The following STARD9 variants were observed in gnomAD, a reference collection of about 807,000 sequenced individuals.
STARD9 encodes stAR-related lipid transfer protein 9.
A neutral mutation model predicts 399.8 loss-of-function variants in STARD9; 346 were observed. The ratio of observed to expected loss-of-function variants is 0.87; its 90% CI spans 0.79 to 0.95. STARD9 has a LOEUF of 0.95. STARD9 is among the 40% of genes least tolerant of loss of function. The probability of loss-of-function intolerance (pLI) is 0.00; values close to 1 mark genes in which losing one functional copy is unlikely to be tolerated. For missense variants in STARD9, 5,832 were observed against 5,667.5 expected, an observed-to-expected ratio of 1.03 and a Z score of -0.93; for synonymous variants, 2,203 against 2,143.5, an observed-to-expected ratio of 1.03 and a Z score of -0.77.
rs961613444 is a variant in STARD9, at chr15:42,689,811, C to T, written c.8233C>T (p.Pro2745Ser). Residue 2745 changes from proline (P) to serine (S), a missense_variant, in exon 23 of 33, where the codon CCT (proline) becomes TCT (serine). This residue lies in a region of STARD9 where 5,828 missense variants were observed against 5,651.1 expected (regional missense o/e 1.03). Transcript: ENST00000290607. Reference sequence around the variant, plus strand: ...ATCAAAGAAGGTAGTGGCTGCCTTACCTTCTCAGGCCCCTTATGATGATCC... The same window carrying T: ...ATCAAAGAAGGTAGTGGCTGCCTTATCTTCTCAGGCCCCTTATGATGATCC... ...VVSKKVVAALPSQAPYDDPRV... is the reference protein window; with the variant it reads ...VVSKKVVAALSSQAPYDDPRV... 11 of 1,537,132 alleles carry T rather than the reference C, an allele frequency of 7.2e-6. No homozygotes were observed. In the East Asian group the frequency reaches 9.8e-5, roughly 14 times the overall value.
chr15:42,688,321 C>T lies in STARD9; in HGVS notation c.6743C>T (p.Thr2248Ile). Residue 2248 changes from threonine to isoleucine, a missense_variant, in exon 23 of 33, where the codon ACT (threonine) becomes ATT (isoleucine). Physicochemically the swap from Thr to Ile is moderately conservative, Grantham distance 89 (BLOSUM62 -1). Around this residue, in one of 2 missense-constraint regions of STARD9, gnomAD observed 5,828 missense variants for 5,651.1 expected, o/e 1.03. Transcript: ENST00000290607. ...TTAGGAAGTCTTGAGGAATTGGAGA[C>T]TGTGAAAGGTTTTCAGGAAAGCCAA... The part of the protein sequence containing the change: ...WGLGSLEELE[T>I]VKGFQESQVA... The T allele has an allele frequency of 1.3e-6, 2 of 1,537,398 alleles. No homozygotes were observed. Among genetic ancestry groups the T allele is most frequent in the Non-Finnish European group, 1.7e-6 (2 of 1,146,970 alleles).
Position 42,662,930 on chromosome 15 carries a change from C to T in STARD9, c.868+39C>T, listed in dbSNP as rs762230909. ...GATAATGGGAGTGGGAGGGAGAGTT[C>T]GGAAAATAACTCATGTTTTCATTTT... On this transcript the variant is annotated intron_variant, in intron 11 of 32. Transcript: ENST00000290607. The T allele has an allele frequency of 2.7e-5, 36 of 1,348,572 alleles. No homozygotes were observed. In the South Asian group the frequency reaches 3.5e-4, roughly 13 times the overall value. 83.5% of individuals were successfully genotyped at this position (1,348,572 alleles called of 1,614,324 possible).
chr15:42,626,312 T>TTCCTCTTCTTCCTCC lies in STARD9; in HGVS notation c.235-8541_235-8527dup, dbSNP rs1192001372. Among the ~76,000 whole-genome samples the TTCCTCTTCTTCCTCC allele has an allele frequency of 8.9e-4, 132 of 147,570 alleles. 1 individual carries two copies. The highest frequency in any genetic ancestry group is 1.6e-3 in the Non-Finnish European group (105 of 66,552). On this transcript the variant is annotated intron_variant, in intron 3 of 32. Coordinates refer to ENST00000290607, the MANE Select transcript of STARD9 (RefSeq NM_020759.3). ...CTTCCTCTTCCTCCCCTTCTTCCTC[T>TTCCTCTTCTTCCTCC]TCCTCTTCTTCCTCCTCTTCCTCTT...
intron 18 of STARD9, 37 bp downstream of exon 18, chr15:42,675,001 G>A (rs1202443979): frequency 6.8e-7 from 1 of 1,477,510 alleles, no homozygotes; most frequent in Admixed American, 2.4e-5. Flanking sequence ...CCCAAGATGA[G>A]TGATGGACCA....
intron 3 of STARD9, among the ~76,000 whole-genome samples, chr15:42,627,397 G>T (rs1157640981): frequency 6.6e-6 from 1 of 152,150 alleles, no homozygotes; most frequent in Non-Finnish European, 1.5e-5. Flanking sequence ...TCACATCAGG[G>T]TAAATGGGAT....
intron 7 of STARD9, among the ~76,000 whole-genome samples, chr15:42,643,332 G>A (rs866916938): frequency 1.5e-4 from 23 of 152,084 alleles, no homozygotes; most frequent in South Asian, 4.2e-4. Context: ...GAGTAGCTGG[G>A]ATTACAGGCA....
chr15:42,686,633 A>G lies in STARD9; in HGVS notation c.5055A>G (p.Gln1685=). Residue 1685 remains glutamine (Q), a synonymous_variant, in exon 23 of 33, where the codon CAA becomes CAG. Transcript: ENST00000290607. ...LRKNSAVQPG[Q]LSPDSHYPLE... ...AAAATAGTGCAGTCCAGCCAGGGCA[A>G]TTAAGTCCCGACAGCCACTACCCAC... The G allele has an allele frequency of 3.3e-6, 5 of 1,537,284 alleles. No individual in the cohort carries two copies. Among genetic ancestry groups the G allele is most frequent in the Non-Finnish European group, 4.4e-6 (5 of 1,146,948 alleles).
chr15:42,614,780 C>T (rs1190864687), intron 3 of STARD9, among the ~76,000 whole-genome samples: 4 of 151,980 alleles, frequency 2.6e-5, no homozygotes, highest in Non-Finnish European at 5.9e-5. Context: ...GCCTGGCCAG[C>T]GTGGTGAAAC....
intron 9 of STARD9, among the ~76,000 whole-genome samples, chr15:42,660,598 CAAG>C (rs1159313786): frequency 2.1e-5 from 3 of 145,458 alleles, no homozygotes; most frequent in Non-Finnish European, 4.5e-5. Context: ...AAAAAAAAAA[CAAG>C]AAACAAAAAT....
chr15:42,663,239 A>G (rs1036695553), intron 11 of STARD9, 42 bp from the exon 12 acceptor site: 11 of 1,494,724 alleles, frequency 7.4e-6, no homozygotes, highest in Non-Finnish European at 7.2e-6. Flanking sequence ...TATTTGCTTC[A>G]TAATTCCTTC....
At chr15:42,710,983 A>G (rs1212556636) in intron 26 of STARD9, among the ~76,000 whole-genome samples, 1 of 118,050 alleles carries the variant, frequency 8.5e-6, no homozygotes, top group Non-Finnish European at 1.8e-5. Flanking sequence ...TTTTTTTTTA[A>G]TTTAACTTTT....
chr15:42,637,807 A>C lies in STARD9; in HGVS notation c.352-100A>C. On this transcript the variant is annotated intron_variant, in intron 4 of 32. Transcript: ENST00000290607. The stretch of plus-strand genomic sequence containing the variant: ...GTGAAGAGGCTAGCACAAGGAGTCC[A>C]TGCACTCATCCCCCATGCTGAGGAT... 5 of 1,247,058 alleles carry C rather than the reference A, an allele frequency of 4.0e-6. No individual in the cohort carries two copies. In the South Asian group the frequency reaches 5.1e-5, roughly 13 times the overall value. 77.2% of individuals were successfully genotyped at this position (1,247,058 alleles called of 1,614,324 possible). A position where few individuals can be genotyped will look rare whatever the true frequency, so the allele number is the denominator to read the frequency against.
chr15:42,706,099 A>G (rs989503376), intron 26 of STARD9, among the ~76,000 whole-genome samples: 1 of 152,158 alleles, frequency 6.6e-6, no homozygotes, highest in African/African-American at 2.4e-5. Context: ...TGTCTAGTTC[A>G]ATTGCAAGAA....
chr15:42,629,402 A>G (rs538040094), intron 3 of STARD9, among the ~76,000 whole-genome samples: 2 of 152,278 alleles, frequency 1.3e-5, no homozygotes, highest in South Asian at 2.1e-4. Context: ...ATGGGATTGC[A>G]TTCTTGATTT....
In STARD9 at chr15:42,689,748, C is replaced by A; in HGVS notation, c.8170C>A (p.Arg2724Ser). 3 of 1,537,742 alleles carry A rather than the reference C, an allele frequency of 2.0e-6. No individual in the cohort carries two copies. Among genetic ancestry groups the A allele is most frequent in the Non-Finnish European group, 2.6e-6 (3 of 1,147,028 alleles). Residue 2724 changes from arginine to serine, a missense_variant, in exon 23 of 33, where the codon CGT becomes AGT. Transcript: ENST00000290607. ...SADPLAPDSP[R>S]SSAPVEEVRR... is the part of the protein sequence containing the mutation. ...TGATCCTTTGGCCCCAGACAGTCCT[C>A]GTTCTTCAGCACCTGTGGAGGAGGT...
rs922469928 is a variant in STARD9, at chr15:42,662,821, G to C, written c.798G>C (p.Lys266Asn). 2 of 1,537,466 alleles carry C rather than the reference G, an allele frequency of 1.3e-6. No homozygotes were observed. The highest frequency in any genetic ancestry group is 8.7e-7 in the Non-Finnish European group (1 of 1,146,856). ...GSERADPSYC[K>N]DRIAEGANIN... ...AAAGAGCAGATCCCAGTTACTGTAA[G>C]GACCGCATTGCTGAAGGAGCCAATA... The change falls in exon 11 of 33, where the codon AAG becomes AAC. Residue 266 changes from lysine to asparagine, a missense_variant. By Grantham distance (94) the Lys-to-Asn change is moderately conservative (BLOSUM62 0). Transcript: ENST00000290607.
Position 42,689,970 on chromosome 15 carries a change from G to A in STARD9, c.8392G>A (p.Asp2798Asn), listed in dbSNP as rs1483987554. 7 of 1,537,484 alleles carry A rather than the reference G, an allele frequency of 4.6e-6. No individual in the cohort carries two copies. The African/African-American group carries it at 6.8e-5, about 15-fold the overall frequency. Residue 2798 changes from aspartate (D) to asparagine (N), a missense_variant, in exon 23 of 33, where the codon GAT (aspartate) becomes AAT (asparagine). Physicochemically the swap from Asp to Asn is conservative, Grantham distance 23. Around this residue, in one of 2 missense-constraint regions of STARD9, gnomAD observed 5,828 missense variants for 5,651.1 expected, o/e 1.03. Transcript: ENST00000290607. ...TLDTTYGEVS[D>N]NLLVTAQGEK... ...AGACACCACATATGGAGAAGTTTCAGATAATTTGTTAGTGACTGCACAGGG... is the reference window on the plus strand; with the variant it reads ...AGACACCACATATGGAGAAGTTTCAAATAATTTGTTAGTGACTGCACAGGG...
At chr15:42,681,357 C>A in intron 20 of STARD9, 65 bp from the exon 21 acceptor site, 1 of 1,470,764 alleles carries the variant, frequency 6.8e-7, no homozygotes, top group Non-Finnish European at 9.0e-7. Context: ...CCTTACACTG[C>A]TATCAGTTTG....
At chr15:42,670,859 A>G (rs1176802751) in intron 16 of STARD9, 1 of 152,214 alleles carries the variant, frequency 6.6e-6, no homozygotes, top group Non-Finnish European at 1.5e-5. Flanking sequence ...TTAGCAAGAA[A>G]ACTAAACACC....
Sources: allele counts gnomAD v4.1 joint callset (sites outside exome capture counted in the v4.1 genomes callset), GRCh38; gene constraint gnomAD v4.1.1; regional missense constraint gnomAD v4.1.1; transcripts MANE v1.5; gene names NCBI Gene and HGNC (gene_info 2026-07-23, HGNC 2026-07-21).